Variants in TCF4 observed in about 807,000 individuals in gnomAD.
TCF4 encodes the protein transcription factor 4.
TCF4 carries 3 observed loss-of-function variants against 82.1 expected under a neutral mutation model. The observed-to-expected ratio is 0.04, with a 90% CI of 0.02 to 0.09. The LOEUF is 0.09. Ranked by LOEUF, TCF4 falls within the 10% of genes least tolerant of loss-of-function variation. The pLI is 1.00. For missense variants in TCF4, 518 were observed against 852.7 expected (o/e 0.61, Z 4.89); for synonymous variants, 276 against 309.6 (o/e 0.89, Z 1.14).
chr18:55,391,994 C>T (rs376709706), intron 6 of TCF4, among the ~76,000 whole-genome samples: 2 of 95,938 alleles, frequency 2.1e-5, no homozygotes, highest in African/African-American at 8.6e-5. Flanking sequence ...GACAGAGTCT[C>T]GCTCTGTCAC....
At chr18:55,378,626 T>TA (rs1461115225) in intron 6 of TCF4, among the ~76,000 whole-genome samples, 1 of 152,198 alleles carries the variant, frequency 6.6e-6, no homozygotes, top group Non-Finnish European at 1.5e-5. Flanking sequence ...CCTTCTCCCC[T>TA]ACCCAAGGCA....
intron 2 of TCF4, among the ~76,000 whole-genome samples, chr18:55,597,509 A>T (rs2097692272): frequency 6.6e-6 from 1 of 152,070 alleles, no homozygotes; most frequent in Non-Finnish European, 1.5e-5. Flanking sequence ...TACTAAAAAA[A>T]TACACAAATT....
intron 3 of TCF4, chr18:55,510,757 A>G: frequency 1.5e-6 from 2 of 1,296,274 alleles, no homozygotes; most frequent in Middle Eastern, 2.2e-4. Flanking sequence ...ATGGAAACAG[A>G]ACATGAGTTA....
chr18:55,429,501 G>A (rs568763743), intron 5 of TCF4, among the ~76,000 whole-genome samples: 4 of 152,106 alleles, frequency 2.6e-5, no homozygotes, highest in South Asian at 2.1e-4. Flanking sequence ...GATGGCTCAC[G>A]CCTGTAATCC....
Position 55,505,242 on chromosome 18 carries a change from A to T in TCF4, c.146-41105T>A, listed in dbSNP as rs377286109. On this transcript the variant is annotated intron_variant, in intron 3 of 19. Transcript: ENST00000354452. ...AATGATTTATGGCGCTAATTTCACA[A>T]GAAAATTATGGAATCCTTCTCTTCA... Among the ~76,000 whole-genome samples, 7 of 152,358 alleles carry T rather than the reference A, an allele frequency of 4.6e-5. No homozygotes were observed. The East Asian group carries it at 1.4e-3, about 29-fold the overall frequency.
intron 17 of TCF4, chr18:55,229,503 T>C (rs1488449146): frequency 5.4e-6 from 1 of 186,310 alleles, no homozygotes; most frequent in Non-Finnish European, 1.1e-5. Context: ...TAAATATATA[T>C]AAAACCTTTC....
chr18:55,555,819 A>G (rs2097298894), intron 3 of TCF4, among the ~76,000 whole-genome samples: 2 of 152,196 alleles, frequency 1.3e-5, no homozygotes, highest in South Asian at 2.1e-4. Context: ...TGTACATTTA[A>G]CCTTTCAATA....
At chr18:55,452,443 G>C (rs1006166844) in intron 5 of TCF4, 2 of 152,374 alleles carry the variant, frequency 1.3e-5, no homozygotes, top group African/African-American at 4.8e-5. Context: ...TTTGGGCAAT[G>C]GTCCAGGAGA....
intron 6 of TCF4, among the ~76,000 whole-genome samples, chr18:55,392,572 A>C (rs1213475551): frequency 6.6e-6 from 1 of 151,764 alleles, no homozygotes; most frequent in Non-Finnish European, 1.5e-5. Flanking sequence ...GAAATCATCT[A>C]CTTTCTGACT....
At chr18:55,400,949 AT>A in intron 6 of TCF4, 1 of 1,288,414 alleles carries the variant, frequency 7.8e-7, no homozygotes, top group Non-Finnish European at 1.0e-6. Context: ...CCGTATCTCA[AT>A]CATGTAGTAA....
At chr18:55,602,866 T>A (rs1449916869) in intron 2 of TCF4, among the ~76,000 whole-genome samples, 1 of 152,214 alleles carries the variant, frequency 6.6e-6, no homozygotes, top group East Asian at 1.9e-4. Context: ...CCAGAATCAC[T>A]AGGTATGATT....
chr18:55,335,622 T>G (rs1378565736), intron 8 of TCF4, among the ~76,000 whole-genome samples: 1 of 152,184 alleles, frequency 6.6e-6, no homozygotes, highest in Non-Finnish European at 1.5e-5. Flanking sequence ...CCTGAAAATC[T>G]ATTCTTGGTC....
At chr18:55,609,732 C>A (rs766382301) in intron 2 of TCF4, among the ~76,000 whole-genome samples, 9 of 152,200 alleles carry the variant, frequency 5.9e-5, no homozygotes. Context: ...TTTTCCCTAG[C>A]ATAACAAGCA....
At chr18:55,425,490 C>A (rs1603459326) in intron 5 of TCF4, among the ~76,000 whole-genome samples, 1 of 145,444 alleles carries the variant, frequency 6.9e-6, no homozygotes. Flanking sequence ...TCCTTGTTAG[C>A]AAGGAACCTC....
intron 5 of TCF4, among the ~76,000 whole-genome samples, chr18:55,447,182 G>A (rs768343113): frequency 4.0e-5 from 6 of 151,474 alleles, no homozygotes; most frequent in African/African-American, 1.2e-4. Context: ...GTGGTGGCAC[G>A]TGCCCACAGT....
intron 3 of TCF4, among the ~76,000 whole-genome samples, chr18:55,516,164 C>T (rs1166154228): frequency 1.3e-5 from 2 of 152,062 alleles, no homozygotes; most frequent in East Asian, 1.9e-4. Context: ...GATGACTGGA[C>T]GTGAGTTTGG....
At chr18:55,362,368 A>AGGAG (rs2085485356) in intron 6 of TCF4, among the ~76,000 whole-genome samples, 1 of 105,792 alleles carries the variant, frequency 9.5e-6, no homozygotes, top group African/African-American at 3.9e-5. Context: ...GAAGGAAGGA[A>AGGAG]GGAAGGAAGG....
At chr18:55,533,500 G>C (rs2097088877) in intron 3 of TCF4, among the ~76,000 whole-genome samples, 1 of 152,162 alleles carries the variant, frequency 6.6e-6, no homozygotes, top group South Asian at 2.1e-4. Context: ...AGCCTCCTCA[G>C]CTGCTCTCAA....
chr18:55,467,996 C>T (rs1453746997), intron 3 of TCF4, among the ~76,000 whole-genome samples: 2 of 152,176 alleles, frequency 1.3e-5, no homozygotes, highest in Non-Finnish European at 2.9e-5. Flanking sequence ...GAGGCTGAAG[C>T]TCTGCCCACT....
Sources: gnomAD v4.1 joint callset for allele counts (sites outside exome capture counted in the v4.1 genomes callset) on GRCh38, gnomAD v4.1.1 for gene constraint, MANE v1.5 for transcripts, NCBI Gene and HGNC (gene_info 2026-07-23, HGNC 2026-07-21) for gene names.